Variants in MAPKAP1 observed in about 807,000 individuals in gnomAD.
MAPKAP1 encodes the protein MAPK associated protein 1.
Under a neutral mutation model 65.7 loss-of-function variants are expected in MAPKAP1, and 20 were observed. That is an observed-to-expected ratio of 0.30 (90% CI 0.21 to 0.44). MAPKAP1 has a LOEUF of 0.44. Ranked by LOEUF, MAPKAP1 falls within the 20% of genes least tolerant of loss-of-function variation. The pLI, the probability that MAPKAP1 is intolerant of heterozygous loss-of-function variation, is 1.00. For synonymous variants in MAPKAP1, 222 were observed against 244.3 expected (o/e 0.91, Z 0.85); for missense variants, 423 against 648.0 (o/e 0.65, Z 3.77).
At chr9:125,532,835 A>G (rs1406980649) in intron 7 of MAPKAP1, among the ~76,000 whole-genome samples, 1 of 152,244 alleles carries the variant, frequency 6.6e-6, no homozygotes, top group East Asian at 1.9e-4. Flanking sequence ...TCTAAGTGCT[A>G]TGTACATGTA....
chr9:125,452,575 G>C, intron 10 of MAPKAP1, among the ~76,000 whole-genome samples: 1 of 152,082 alleles, frequency 6.6e-6, no homozygotes, highest in African/African-American at 2.4e-5. Flanking sequence ...AAACACTATT[G>C]AGGAGTCCAA....
At chr9:125,693,768 T>C (rs1564620449) in intron 1 of MAPKAP1, among the ~76,000 whole-genome samples, 14 of 149,896 alleles carry the variant, frequency 9.3e-5, no homozygotes, top group Non-Finnish European at 1.8e-4. Flanking sequence ...TACACGTATA[T>C]ACACATATAT....
At chr9:125,512,651 G>C (rs915742335) in intron 7 of MAPKAP1, among the ~76,000 whole-genome samples, 1 of 151,816 alleles carries the variant, frequency 6.6e-6, no homozygotes, top group Admixed American at 6.6e-5. Flanking sequence ...GCGCAATCTC[G>C]GCTCACTGCA....
Position 125,595,990 on chromosome 9 carries a change from T to C in MAPKAP1, c.499-10263A>G. 1 of 1,524,872 alleles carries C rather than the reference T, an allele frequency of 6.6e-7. No individual in the cohort carries two copies. The highest frequency in any genetic ancestry group is 9.0e-7 in the Non-Finnish European group (1 of 1,114,622). 94.5% of individuals were successfully genotyped at this position (1,524,872 alleles called of 1,614,324 possible). A position where few individuals can be genotyped will look rare whatever the true frequency, so the allele number is the denominator to read the frequency against. On this transcript the variant is annotated intron_variant, in intron 4 of 11. Transcript: ENST00000265960. The surrounding 1 kb of genome is among the most constrained non-coding windows in gnomAD (Gnocchi z 4.0). ...CACTTAACTGTGAAAAAGATATTTG[T>C]TGGTGGCATTAAAGAAGACACTGAA...
chr9:125,531,715 T>C (rs555335963), intron 7 of MAPKAP1, among the ~76,000 whole-genome samples: 2 of 152,336 alleles, frequency 1.3e-5, no homozygotes, highest in East Asian at 3.9e-4. Context: ...AACTGAACAC[T>C]GAGAACCCAT....
chr9:125,570,829 A>G (rs1057111090), intron 5 of MAPKAP1, among the ~76,000 whole-genome samples: 1 of 152,194 alleles, frequency 6.6e-6, no homozygotes, highest in Non-Finnish European at 1.5e-5. Flanking sequence ...CATATTGGCT[A>G]AAGTTAAAGG....
chr9:125,531,779 T>C (rs1829940796), intron 7 of MAPKAP1, among the ~76,000 whole-genome samples: 2 of 152,354 alleles, frequency 1.3e-5, no homozygotes, highest in South Asian at 4.1e-4. Context: ...CTTGATCACA[T>C]ATCTATCAAT....
chr9:125,490,955 T>C (rs531681770), intron 8 of MAPKAP1, among the ~76,000 whole-genome samples: 5 of 151,176 alleles, frequency 3.3e-5, no homozygotes, highest in African/African-American at 9.7e-5. Context: ...CTGGCCAACA[T>C]GGTGAAACCT....
rs142324876 is a variant in MAPKAP1, at chr9:125,527,357, C to T, written c.958+15702G>A. Among the ~76,000 whole-genome samples the T allele has an allele frequency of 9.2e-3, 1,395 of 152,182 alleles. 5 individuals carry two copies. The highest frequency in any genetic ancestry group is 0.024 in the Middle Eastern group (7 of 294). ...CTGGGATTACAGGCGTGAGCCACCG[C>T]GCCCGGGCCTCATACATATAGTTTT... On this transcript the variant is annotated intron_variant, in intron 7 of 11. Coordinates refer to ENST00000265960, the MANE Select transcript of MAPKAP1 (RefSeq NM_001006617.3).
At chr9:125,535,741 T>C (rs1388931465) in intron 7 of MAPKAP1, among the ~76,000 whole-genome samples, 1 of 152,210 alleles carries the variant, frequency 6.6e-6, no homozygotes, top group East Asian at 1.9e-4. Flanking sequence ...ACAATCAATA[T>C]GTACACGTAA....
intron 6 of MAPKAP1, among the ~76,000 whole-genome samples, chr9:125,546,904 G>C (rs1218820259): frequency 6.6e-6 from 1 of 152,098 alleles, no homozygotes; most frequent in African/African-American, 2.4e-5. Context: ...CAGACAACCT[G>C]TTTTCCCCCA....
intron 8 of MAPKAP1, among the ~76,000 whole-genome samples, chr9:125,489,301 T>TAC (rs199973659): frequency 0.011 from 1,702 of 152,336 alleles, 40 homozygotes; most frequent in African/African-American, 0.038. Context: ...TGTGTTCATC[T>TAC]ACATTAATGC....
At chr9:125,441,270 T>C (rs1852471066) in intron 11 of MAPKAP1, among the ~76,000 whole-genome samples, 1 of 152,152 alleles carries the variant, frequency 6.6e-6, no homozygotes. Flanking sequence ...GCCTGTGGAA[T>C]TAGGGACCAC....
In MAPKAP1 at chr9:125,444,500, C is replaced by T; in HGVS notation, c.1443+1G>A. The stretch of plus-strand genomic sequence containing the variant: ...TCTCTGGTTCAAGAAGGAATACTCA[C>T]CTTGAGCACAATTTCATTGACGGTA... On this transcript the variant is annotated splice_donor_variant, in intron 11 of 11. Coordinates refer to ENST00000265960, the MANE Select transcript of MAPKAP1 (RefSeq NM_001006617.3). LOFTEE classifies it high-confidence loss of function. The T allele has an allele frequency of 6.2e-7, 1 of 1,609,328 alleles. No individual in the cohort carries two copies. Among genetic ancestry groups the T allele is most frequent in the African/African-American group, 1.3e-5 (1 of 74,890 alleles).
chr9:125,446,728 C>T (rs1852731416), intron 10 of MAPKAP1, among the ~76,000 whole-genome samples: 2 of 152,134 alleles, frequency 1.3e-5, no homozygotes, highest in Admixed American at 1.3e-4. Context: ...TAGGGAGACC[C>T]ACAGACCCGA....
intron 7 of MAPKAP1, 66 bp from the exon 8 acceptor site, chr9:125,506,483 C>T: frequency 1.6e-6 from 2 of 1,278,922 alleles, no homozygotes; most frequent in Non-Finnish European, 2.3e-6. Context: ...ATTTAAAAAA[C>T]ACCACATACT....
rs75478817 is a variant in MAPKAP1, at chr9:125,516,180, C to A, written c.959-9763G>T. On this transcript the variant is annotated intron_variant, in intron 7 of 11. Transcript: ENST00000265960. ...GACAAATCACTTTCAAACCACTGCA[C>A]TGGGGTTTCCATTTCTTTGCTGCAA... is the stretch of plus-strand genomic sequence containing the variant. Among the ~76,000 whole-genome samples the A allele has an allele frequency of 4.3e-3, 659 of 152,304 alleles. 6 individuals carry two copies. Among genetic ancestry groups the A allele is most frequent in the African/African-American group, 0.015 (617 of 41,568 alleles).
At chr9:125,468,636 T>A (rs1853775600) in intron 9 of MAPKAP1, among the ~76,000 whole-genome samples, 1 of 152,222 alleles carries the variant, frequency 6.6e-6, no homozygotes, top group African/African-American at 2.4e-5. Flanking sequence ...TAACTCTTCC[T>A]TTCTGTGACA....
intron 9 of MAPKAP1, among the ~76,000 whole-genome samples, chr9:125,481,705 AG>A (rs1030004173): frequency 3.3e-5 from 5 of 151,970 alleles, no homozygotes; most frequent in African/African-American, 1.2e-4. Context: ...TACAGACGTG[AG>A]CCATGGCACC....
Sources: gnomAD v4.1 joint callset for allele counts (sites outside exome capture counted in the v4.1 genomes callset) on GRCh38, gnomAD v4.1.1 for gene constraint, Gnocchi (gnomAD v3.1) non-coding constraint, MANE v1.5 for transcripts, NCBI Gene and HGNC (gene_info 2026-07-23, HGNC 2026-07-21) for gene names.